The following ITPRIP variants were observed in gnomAD, a reference collection of about 807,000 sequenced individuals.
ITPRIP encodes inositol 1,4,5-trisphosphate receptor-interacting protein.
A neutral mutation model predicts 35.8 loss-of-function variants in ITPRIP; 32 were observed. The ratio of observed to expected loss-of-function variants is 0.89; its 90% CI spans 0.68 to 1.20. The LOEUF is 1.20. Ranked by LOEUF, ITPRIP falls within the 50% of genes most tolerant of loss-of-function variation. The probability of loss-of-function intolerance (pLI) is 0.00; values close to 1 mark genes in which losing one functional copy is unlikely to be tolerated. For missense variants in ITPRIP, 653 were observed against 735.6 expected (o/e 0.89, Z 1.30); for synonymous variants, 358 against 324.0 (o/e 1.11, Z -1.13).
At chr10:104,322,252 A>G (rs967306544) in intron 1 of ITPRIP, among the ~76,000 whole-genome samples, 2 of 152,138 alleles carry the variant, frequency 1.3e-5, no homozygotes, top group African/African-American at 2.4e-5. Context: ...AACCAGGAAC[A>G]GTAGGAGCAT....
At position 104,314,748 on chromosome 10, in the gene ITPRIP, G is replaced by A. The variant is rs760763187; in HGVS notation, c.1304C>T (p.Thr435Met). 13 of 1,613,764 alleles carry A rather than the reference G, an allele frequency of 8.1e-6. No individual in the cohort carries two copies. Among genetic ancestry groups the A allele is most frequent in the African/African-American group, 6.7e-5 (5 of 74,944 alleles). Residue 435 changes from threonine (T) to methionine (M), a missense_variant, in exon 2 of 2, where the codon ACG becomes ATG. Thr to Met is a moderately conservative substitution (Grantham distance 81). Coordinates refer to ENST00000337478, the MANE Select transcript of ITPRIP (RefSeq NM_001272013.2). ...PSGLSSYHLK[T>M]ALLHLLLLRQ... Reference sequence around the variant, plus strand: ...GAGGAGTAGGAGGTGCAGTAGGGCCGTCTTCAGGTGGTAGCTGCTGAGCCC... The same window carrying A: ...GAGGAGTAGGAGGTGCAGTAGGGCCATCTTCAGGTGGTAGCTGCTGAGCCC...
At chr10:104,334,278 T>C (rs926756560) in intron 1 of ITPRIP, among the ~76,000 whole-genome samples, 1 of 152,226 alleles carries the variant, frequency 6.6e-6, no homozygotes, top group African/African-American at 2.4e-5. Context: ...GGCACTGCTT[T>C]AGGAATGCTT....
In ITPRIP at chr10:104,326,632, T is replaced by G. The variant is rs2014020859; in HGVS notation, c.-13-10568A>C. 6.6e-6 allele frequency: 1 copy of G among 152,180 alleles called. No homozygotes were observed. The highest frequency in any genetic ancestry group is 6.5e-5 in the Admixed American group (1 of 15,280). 9.4% of individuals were successfully genotyped at this position (152,180 alleles called of 1,614,324 possible). A position where few individuals can be genotyped will look rare whatever the true frequency, so the allele number is the denominator to read the frequency against. On this transcript the variant is annotated intron_variant, in intron 1 of 1. Transcript: ENST00000337478. This position sits in a 1 kb window ranked among gnomAD's most constrained non-coding sequence, Gnocchi z 4.8. ...GGCATCTCAGATCCATTCAACTGTG[T>G]GGGTTGAATGGCAGCCCTCAAAATA...
At chr10:104,325,051 C>G (rs1589892607) in intron 1 of ITPRIP, among the ~76,000 whole-genome samples, 1 of 152,264 alleles carries the variant, frequency 6.6e-6, no homozygotes, top group East Asian at 1.9e-4. Flanking sequence ...AGCCCCGTCT[C>G]TACCAAAAAT....
chr10:104,317,162 C>A (rs1022125627), intron 1 of ITPRIP, among the ~76,000 whole-genome samples: 1 of 152,180 alleles, frequency 6.6e-6, no homozygotes. Flanking sequence ...TTTTGTCTTT[C>A]CCCAGGACAA....
intron 1 of ITPRIP, among the ~76,000 whole-genome samples, chr10:104,322,384 C>G (rs1327183657): frequency 1.3e-5 from 2 of 152,214 alleles, no homozygotes; most frequent in African/African-American, 4.8e-5. Flanking sequence ...TTCTTGGCCA[C>G]CTGGTATTCC....
In ITPRIP at chr10:104,310,451, C is replaced by T. The variant is rs1047736334; in HGVS notation, c.*3957G>A. ...TTCAAGGCTTTGCATGGTTCAGCCCCACTCTTATCTTTTCAACCTCATTTG... is the reference window on the plus strand; with the variant it reads ...TTCAAGGCTTTGCATGGTTCAGCCCTACTCTTATCTTTTCAACCTCATTTG... On this transcript the variant is annotated 3_prime_UTR_variant, in exon 2 of 2. Coordinates refer to ENST00000337478, the MANE Select transcript of ITPRIP (RefSeq NM_001272013.2). 23 of 152,120 alleles carry T rather than the reference C, an allele frequency of 1.5e-4. No individual in the cohort carries two copies. The highest frequency in any genetic ancestry group is 2.5e-4 in the Non-Finnish European group (17 of 68,052). 9.4% of individuals were successfully genotyped at this position (152,120 alleles called of 1,614,324 possible). A position where few individuals can be genotyped will look rare whatever the true frequency, so the allele number is the denominator to read the frequency against.
intron 1 of ITPRIP, among the ~76,000 whole-genome samples, chr10:104,317,826 A>G (rs2013729353): frequency 1.3e-5 from 2 of 152,218 alleles, no homozygotes; most frequent in South Asian, 4.1e-4. Flanking sequence ...ATACCTCTGC[A>G]GGTTGTCCCT....
chr10:104,323,379 T>A (rs2135193729), intron 1 of ITPRIP: 1 of 152,394 alleles, frequency 6.6e-6, no homozygotes, highest in East Asian at 1.9e-4. Context: ...GGTCACTGGG[T>A]GGCCTCTAGG....
Position 104,334,999 on chromosome 10 carries a change from T to C in ITPRIP, c.-14+3247A>G, listed in dbSNP as rs142845590. Among the ~76,000 whole-genome samples the C allele has an allele frequency of 2.0e-5, 3 of 152,334 alleles. No homozygotes were observed. In the East Asian group the frequency reaches 5.8e-4, roughly 29 times the overall value. On this transcript the variant is annotated intron_variant, in intron 1 of 1. Coordinates refer to ENST00000337478, the MANE Select transcript of ITPRIP (RefSeq NM_001272013.2). The stretch of plus-strand genomic sequence containing the variant: ...TCAGTAGCTTGAGTCCAAACCACTC[T>C]GAAAATTATGGAAATTGGGTTTCTG...
Position 104,315,666 on chromosome 10 carries a change from G to A in ITPRIP, c.386C>T (p.Ala129Val). The part of the protein sequence containing the change: ...EEDELPGLGG[A>V]PLQGLTLPNK... The stretch of plus-strand genomic sequence containing the variant: ...GGGCAGGGTGAGGCCCTGCAAGGGG[G>A]CGCCCCCCAGCCCAGGCAGCTCATC... Residue 129 changes from alanine (A) to valine (V), a missense_variant, in exon 2 of 2, where the codon GCC becomes GTC. Coordinates refer to ENST00000337478, the MANE Select transcript of ITPRIP (RefSeq NM_001272013.2). This position sits in a 1 kb window ranked among gnomAD's most constrained non-coding sequence, Gnocchi z 5.7. 5 of 1,612,432 alleles carry A rather than the reference G, an allele frequency of 3.1e-6. No individual in the cohort carries two copies. The highest frequency in any genetic ancestry group is 4.2e-6 in the Non-Finnish European group (5 of 1,179,854).
chr10:104,315,250 A>C lies in ITPRIP; in HGVS notation c.802T>G (p.Cys268Gly). Reference sequence around the variant, plus strand: ...ATGCTGTTCCTGCCGTGCAGGAGACACAGCATGTCTTCCCCGAGCTTGGTC... The same window carrying C: ...ATGCTGTTCCTGCCGTGCAGGAGACCCAGCATGTCTTCCCCGAGCTTGGTC... Reference protein sequence around the residue: ...GKTKLGEDMLCLLHGRNSMAP... With the variant: ...GKTKLGEDMLGLLHGRNSMAP... The change falls in exon 2 of 2, where the codon TGT becomes GGT. Residue 268 changes from cysteine to glycine, a missense_variant. Coordinates refer to ENST00000337478, the MANE Select transcript of ITPRIP (RefSeq NM_001272013.2). The surrounding 1 kb of genome is among the most constrained non-coding windows in gnomAD (Gnocchi z 5.7). The C allele has an allele frequency of 1.9e-6, 3 of 1,611,178 alleles. No homozygotes were observed. Among genetic ancestry groups the C allele is most frequent in the Non-Finnish European group, 8.5e-7 (1 of 1,178,202 alleles).
intron 1 of ITPRIP, among the ~76,000 whole-genome samples, chr10:104,322,867 T>C (rs556764101): frequency 6.6e-6 from 1 of 152,260 alleles, no homozygotes; most frequent in Admixed American, 6.5e-5. Context: ...CACTAGGTTC[T>C]GGGTCCTCCA....
At chr10:104,331,272 G>T (rs761447608) in intron 1 of ITPRIP, among the ~76,000 whole-genome samples, 31 of 152,220 alleles carry the variant, frequency 2.0e-4, no homozygotes, top group Non-Finnish European at 3.5e-4. Flanking sequence ...TCCAGCCCAG[G>T]CATGCTGCAC....
rs1309062261 is a variant in ITPRIP, at chr10:104,311,925, T to G, written c.*2483A>C. 1 of 152,228 alleles carries G rather than the reference T, an allele frequency of 6.6e-6. No homozygotes were observed. The highest frequency in any genetic ancestry group is 1.5e-5 in the Non-Finnish European group (1 of 68,032). 9.4% of individuals were successfully genotyped at this position (152,228 alleles called of 1,614,324 possible). On this transcript the variant is annotated 3_prime_UTR_variant, in exon 2 of 2. Coordinates refer to ENST00000337478, the MANE Select transcript of ITPRIP (RefSeq NM_001272013.2). ...CCTACAGCCAGCTTTCAAAGGCCCTTTCTGGAGCCCTGCGGGCAGCACACA... is the reference window on the plus strand; with the variant it reads ...CCTACAGCCAGCTTTCAAAGGCCCTGTCTGGAGCCCTGCGGGCAGCACACA...
intron 1 of ITPRIP, among the ~76,000 whole-genome samples, chr10:104,322,725 C>T (rs567131838): frequency 6.6e-6 from 1 of 152,344 alleles, no homozygotes; most frequent in Admixed American, 6.5e-5. Context: ...AAAAGAAGGC[C>T]TGGCCCTGGC....
At chr10:104,336,524 G>A (rs1286651815) in intron 1 of ITPRIP, among the ~76,000 whole-genome samples, 1 of 151,512 alleles carries the variant, frequency 6.6e-6, no homozygotes, top group African/African-American at 2.4e-5. Flanking sequence ...GGCATTGGGG[G>A]GTAGGTTAAA....
At position 104,314,743 on chromosome 10, in the gene ITPRIP, G is replaced by C; in HGVS notation, c.1309C>G (p.Leu437Val). ...GLSSYHLKTALLHLLLLRQAA... is the reference protein window; with the variant it reads ...GLSSYHLKTAVLHLLLLRQAA... The stretch of plus-strand genomic sequence containing the variant: ...TGCCGGAGGAGTAGGAGGTGCAGTA[G>C]GGCCGTCTTCAGGTGGTAGCTGCTG... The change falls in exon 2 of 2, where the codon CTA (leucine) becomes GTA (valine). Residue 437 changes from leucine to valine, a missense_variant. Physicochemically the swap from Leu to Val is conservative, Grantham distance 32 (BLOSUM62 1). Transcript: ENST00000337478. 1 of 1,613,888 alleles carries C rather than the reference G, an allele frequency of 6.2e-7. No homozygotes were observed. The highest frequency in any genetic ancestry group is 8.5e-7 in the Non-Finnish European group (1 of 1,179,962).
At chr10:104,321,414 G>T (rs926609877) in intron 1 of ITPRIP, among the ~76,000 whole-genome samples, 2 of 152,220 alleles carry the variant, frequency 1.3e-5, no homozygotes, top group African/African-American at 4.8e-5. Flanking sequence ...AAGCTTCTGG[G>T]TGGCCCGGAC....
Sources: allele counts gnomAD v4.1 joint callset (sites outside exome capture counted in the v4.1 genomes callset), GRCh38; gene constraint gnomAD v4.1.1; non-coding constraint Gnocchi (gnomAD v3.1); transcripts MANE v1.5; gene names NCBI Gene and HGNC (gene_info 2026-07-23, HGNC 2026-07-21).